The following SPAG16 variants were observed in gnomAD, a reference collection of about 807,000 sequenced individuals.
SPAG16 encodes sperm associated antigen 16.
A neutral mutation model predicts 80.4 loss-of-function variants in SPAG16; 86 were observed. The observed-to-expected ratio is 1.07, with a 90% CI of 0.90 to 1.28. The LOEUF (loss-of-function observed/expected upper bound fraction) is 1.28. Among genes scored for constraint, SPAG16 ranks in the 50% most tolerant of loss-of-function variants. The pLI is 0.00. For synonymous variants in SPAG16, 294 were observed against 265.9 expected (o/e 1.11, Z -1.03); for missense variants, 870 against 765.3 (o/e 1.14, Z -1.61).
chr2:213,920,277 T>C (rs1443462950), intron 11 of SPAG16, among the ~76,000 whole-genome samples: 1 of 152,212 alleles, frequency 6.6e-6, no homozygotes, highest in African/African-American at 2.4e-5. Flanking sequence ...ATTTAGCCCA[T>C]TTACATTTAA....
chr2:213,976,592 AGAAATTTT>A (rs2045421528), intron 12 of SPAG16, among the ~76,000 whole-genome samples: 2 of 152,060 alleles, frequency 1.3e-5, no homozygotes, highest in African/African-American at 4.8e-5. Context: ...ATGTGCATGG[AGAAATTTT>A]CTTCTGCTGG....
At chr2:214,070,969 A>T (rs1265700363) in intron 13 of SPAG16, among the ~76,000 whole-genome samples, 1 of 152,134 alleles carries the variant, frequency 6.6e-6, no homozygotes, top group Admixed American at 6.6e-5. Context: ...TAAGAAATTC[A>T]ATGATTCACC....
At chr2:214,372,351 A>G (rs1467362319) in intron 15 of SPAG16, among the ~76,000 whole-genome samples, 2 of 152,220 alleles carry the variant, frequency 1.3e-5, no homozygotes, top group African/African-American at 4.8e-5. Flanking sequence ...CCAGTGTAAG[A>G]AACAAGTCTC....
At chr2:214,176,608 T>C (rs749090286) in intron 15 of SPAG16, among the ~76,000 whole-genome samples, 18 of 151,406 alleles carry the variant, frequency 1.2e-4, no homozygotes, top group Non-Finnish European at 2.4e-4. Flanking sequence ...TCCTGTTCCT[T>C]TGATTCCAAA....
intron 10 of SPAG16, among the ~76,000 whole-genome samples, chr2:213,515,741 A>G (rs778047888): frequency 1.3e-5 from 2 of 152,202 alleles, no homozygotes; most frequent in Non-Finnish European, 2.9e-5. Context: ...CAGAACAAAT[A>G]TAATGAGTTA....
chr2:213,589,043 CATT>C (rs766797500), intron 10 of SPAG16, among the ~76,000 whole-genome samples: 42 of 151,934 alleles, frequency 2.8e-4, no homozygotes, highest in Non-Finnish European at 5.0e-4. Context: ...ATTAGTCAAT[CATT>C]ATTTATTAGG....
At chr2:213,411,998 T>G (rs2068995459) in intron 9 of SPAG16, among the ~76,000 whole-genome samples, 1 of 152,202 alleles carries the variant, frequency 6.6e-6, no homozygotes, top group South Asian at 2.1e-4. Context: ...AATATGTCAG[T>G]ATGTTCAATT....
At chr2:213,694,416 T>TA (rs2065074810) in intron 10 of SPAG16, among the ~76,000 whole-genome samples, 1 of 152,208 alleles carries the variant, frequency 6.6e-6, no homozygotes, top group Non-Finnish European at 1.5e-5. Flanking sequence ...ACTCTATTAA[T>TA]TAACACTATC....
intron 9 of SPAG16, among the ~76,000 whole-genome samples, chr2:213,415,157 A>G (rs1464652367): frequency 6.6e-6 from 1 of 152,210 alleles, no homozygotes; most frequent in Non-Finnish European, 1.5e-5. Flanking sequence ...CTAAAGCTTG[A>G]TGGGTAGGCA....
intron 15 of SPAG16, among the ~76,000 whole-genome samples, chr2:214,213,428 A>T (rs2058348696): frequency 6.6e-6 from 1 of 152,214 alleles, no homozygotes; most frequent in Non-Finnish European, 1.5e-5. Context: ...CAGTGTGAAC[A>T]GGCAGGGAGC....
At chr2:214,132,344 A>G (rs2054822929) in intron 14 of SPAG16, among the ~76,000 whole-genome samples, 1 of 152,230 alleles carries the variant, frequency 6.6e-6, no homozygotes, top group Non-Finnish European at 1.5e-5. Context: ...TTTTAATCTA[A>G]AATGTCCAAT....
At chr2:213,346,746 G>C (rs2065015403) in intron 6 of SPAG16, among the ~76,000 whole-genome samples, 1 of 152,152 alleles carries the variant, frequency 6.6e-6, no homozygotes, top group Admixed American at 6.5e-5. Context: ...GATCATGATG[G>C]ATAAGCTTTT....
intron 15 of SPAG16, among the ~76,000 whole-genome samples, chr2:214,350,304 T>C (rs1173718052): frequency 6.6e-6 from 1 of 152,242 alleles, no homozygotes; most frequent in African/African-American, 2.4e-5. Context: ...CAGTTGCAAA[T>C]ATAATAGACA....
intron 5 of SPAG16, among the ~76,000 whole-genome samples, chr2:213,331,258 A>G (rs1334602239): frequency 1.3e-5 from 2 of 152,198 alleles, no homozygotes; most frequent in Non-Finnish European, 2.9e-5. Flanking sequence ...GAGCTCCCAC[A>G]TAACATTTCT....
At chr2:213,591,609 T>C (rs915717666) in intron 10 of SPAG16, among the ~76,000 whole-genome samples, 6 of 152,166 alleles carry the variant, frequency 3.9e-5, no homozygotes, top group South Asian at 2.1e-4. Context: ...ATCATCATGA[T>C]AGGTATAGAA....
In SPAG16 at chr2:213,972,977, G is replaced by GAAACA. The variant is rs373278537; in HGVS notation, c.1401-40955_1401-40951dup. On this transcript the variant is annotated intron_variant, in intron 12 of 15. Transcript: ENST00000331683. ...GATTTTCTTGAATTCCAAGTGCTTG[G>GAAACA]AAACAAAACAAAACAAAACAAAAAA... is the stretch of plus-strand genomic sequence containing the variant. 1.0e-3 allele frequency among the ~76,000 whole-genome samples: 155 copies of GAAACA among 151,996 alleles called. No individual in the cohort carries two copies. The Middle Eastern group carries it at 0.017, about 17-fold the overall frequency.
chr2:213,697,987 ACTT>A (rs749160798), intron 10 of SPAG16, among the ~76,000 whole-genome samples: 2 of 151,988 alleles, frequency 1.3e-5, no homozygotes, highest in African/African-American at 4.8e-5. Flanking sequence ...ACTCTCGTCA[ACTT>A]CTTTTTTCCT....
At chr2:213,829,671 A>G (rs926695568) in intron 10 of SPAG16, among the ~76,000 whole-genome samples, 3 of 152,086 alleles carry the variant, frequency 2.0e-5, no homozygotes, top group Admixed American at 6.6e-5. Flanking sequence ...CTACTTAATT[A>G]CTGCTGCTGA....
chr2:213,880,200 G>T (rs961031760), intron 11 of SPAG16, among the ~76,000 whole-genome samples: 2 of 152,128 alleles, frequency 1.3e-5, no homozygotes, highest in Non-Finnish European at 2.9e-5. Context: ...TTTAATTGTA[G>T]TTTTAATTTG....
Sources: allele counts gnomAD v4.1 joint callset (sites outside exome capture counted in the v4.1 genomes callset), GRCh38; gene constraint gnomAD v4.1.1; transcripts MANE v1.5; gene names NCBI Gene and HGNC (gene_info 2026-07-23, HGNC 2026-07-21).